ZNF611: variants seen among roughly 807,000 people sequenced by gnomAD.
ZNF611 encodes zinc finger protein 611.
ZNF611 carries 6 observed loss-of-function variants against 8.9 expected under a neutral mutation model. The observed-to-expected ratio is 0.68, with a 90% CI of 0.37 to 1.34. The LOEUF (loss-of-function observed/expected upper bound fraction) is 1.34, where lower values mean the gene tolerates loss of function less well. Ranked by LOEUF, ZNF611 falls within the 40% of genes most tolerant of loss-of-function variation. ZNF611 has a pLI of 0.02. For missense variants in ZNF611, 874 were observed against 841.3 expected (o/e 1.04, Z -0.48); for synonymous variants, 262 against 279.7 (o/e 0.94, Z 0.63).
intron 5 of ZNF611, among the ~76,000 whole-genome samples, chr19:52,709,666 C>T (rs2147420714): frequency 6.6e-6 from 1 of 152,180 alleles, no homozygotes; most frequent in Middle Eastern, 3.4e-3. Flanking sequence ...CTCGCAGGTT[C>T]AAGCGATTCT....
intron 3 of ZNF611, chr19:52,717,742 A>T (rs925457556): frequency 1.0e-6 from 1 of 958,822 alleles, no homozygotes; most frequent in African/African-American, 1.8e-5. Context: ...ACTTACTTAG[A>T]AGCTCACAGA....
At chr19:52,724,184 A>C (rs2062377297) in intron 3 of ZNF611, 1 of 152,250 alleles carries the variant, frequency 6.6e-6, no homozygotes, top group South Asian at 2.1e-4. Context: ...GCCATATCTC[A>C]GGCTGTCTCA....
In ZNF611 at chr19:52,704,748, G is replaced by C. The variant is rs989182106; in HGVS notation, c.*189C>G. 8 of 1,598,578 alleles carry C rather than the reference G, an allele frequency of 5.0e-6. No individual in the cohort carries two copies. The highest frequency in any genetic ancestry group is 1.3e-5 in the African/African-American group (1 of 74,748). ...GAATAAGTGTTGACTGCTTGCCAAA[G>C]GCTTTGCCACACTCATTACACTTGT... On this transcript the variant is annotated 3_prime_UTR_variant, in exon 6 of 6. Coordinates refer to ENST00000652185, the MANE Select transcript of ZNF611 (RefSeq NM_001161499.2).
chr19:52,711,628 A>G (rs2062280721), intron 5 of ZNF611, among the ~76,000 whole-genome samples: 1 of 152,210 alleles, frequency 6.6e-6, no homozygotes, highest in Non-Finnish European at 1.5e-5. Context: ...ACAAGCGCTG[A>G]GCTGCGCTGC....
chr19:52,716,597 G>C (rs1221120771), intron 3 of ZNF611, among the ~76,000 whole-genome samples: 1 of 152,156 alleles, frequency 6.6e-6, no homozygotes, highest in Non-Finnish European at 1.5e-5. Context: ...TGAGGGTTGG[G>C]CTGTGTGTAA....
Position 52,732,251 on chromosome 19 carries a change from C to T in ZNF611, c.-221-2246G>A, listed in dbSNP as rs1376420865. On this transcript the variant is annotated intron_variant, in intron 1 of 5. Coordinates refer to ENST00000652185, the MANE Select transcript of ZNF611 (RefSeq NM_001161499.2). ...TGCCACTGCACTCCAGCCTGGGTGA[C>T]AGAGCAAAACTCCATCTCAAAAAAG... is the stretch of plus-strand genomic sequence containing the variant. Among the ~76,000 whole-genome samples the T allele has an allele frequency of 1.3e-5, 2 of 151,774 alleles. 1 individual carries two copies. Among genetic ancestry groups the T allele is most frequent in the South Asian group, 4.2e-4 (2 of 4,804 alleles).
chr19:52,722,612 A>T (rs1156399164), intron 3 of ZNF611, among the ~76,000 whole-genome samples: 1 of 152,204 alleles, frequency 6.6e-6, no homozygotes, highest in Non-Finnish European at 1.5e-5. Flanking sequence ...TAGGAATTTT[A>T]AAATTCTCAA....
chr19:52,716,396 C>G (rs1207062135), intron 3 of ZNF611, among the ~76,000 whole-genome samples: 1 of 152,216 alleles, frequency 6.6e-6, no homozygotes, highest in African/African-American at 2.4e-5. Context: ...CACAAAAGCT[C>G]TATTTGCAAA....
intron 3 of ZNF611, among the ~76,000 whole-genome samples, chr19:52,726,148 T>C (rs1280779410): frequency 2.0e-5 from 3 of 152,196 alleles, no homozygotes; most frequent in Non-Finnish European, 2.9e-5. Flanking sequence ...GTCCACCCTG[T>C]GCTCAGCTTC....
In ZNF611 at chr19:52,711,456, C is replaced by A. The variant is rs572666281; in HGVS notation, c.190+2559G>T. On this transcript the variant is annotated intron_variant, in intron 5 of 5. Transcript: ENST00000652185. ...TGTACATGACCCCAGTTTGCACGTA[C>A]GGTAAGTGAGGGACAAGACTTGATC... is the stretch of plus-strand genomic sequence containing the variant. 1.4e-4 allele frequency among the ~76,000 whole-genome samples: 21 copies of A among 152,154 alleles called. 1 individual carries two copies. Among genetic ancestry groups the A allele is most frequent in the South Asian group, 4.1e-4 (2 of 4,826 alleles).
At chr19:52,726,361 C>G (rs1401546838) in intron 3 of ZNF611, among the ~76,000 whole-genome samples, 1 of 152,220 alleles carries the variant, frequency 6.6e-6, no homozygotes, top group Non-Finnish European at 1.5e-5. Context: ...AGTAACACCC[C>G]CTCCCGCAGT....
intron 3 of ZNF611, among the ~76,000 whole-genome samples, chr19:52,719,146 C>A (rs113819663): frequency 1.3e-5 from 2 of 151,884 alleles, no homozygotes; most frequent in Admixed American, 6.6e-5. Flanking sequence ...TCCAGCTTGC[C>A]TGACAGAGAA....
Position 52,721,194 on chromosome 19 carries a change from A to T in ZNF611, c.-19-5281T>A, listed in dbSNP as rs2062357335. The T allele has an allele frequency of 5.2e-5, 8 of 154,908 alleles. No individual in the cohort carries two copies. In the Admixed American group the frequency reaches 5.3e-4, roughly 10 times the overall value. 9.6% of individuals were successfully genotyped at this position (154,908 alleles called of 1,614,324 possible). ...CGTGCAGAGGTGCTCCTCATTTCCC[A>T]GACTGGGCAGCCGGGCAGAGAGGCT... On this transcript the variant is annotated intron_variant, in intron 3 of 5. Transcript: ENST00000652185.
In ZNF611 at chr19:52,733,300, G is replaced by A. The variant is rs377190823; in HGVS notation, c.-222+1701C>T. Among the ~76,000 whole-genome samples the A allele has an allele frequency of 2.1e-4, 32 of 151,906 alleles. No individual in the cohort carries two copies. In the East Asian group the frequency reaches 3.3e-3, roughly 16 times the overall value. ...CCCACTCATCTGAACCCAGTCTCTCGCCCCTTTTTTTTTGTTTGGAGACAA... is the reference window on the plus strand; with the variant it reads ...CCCACTCATCTGAACCCAGTCTCTCACCCCTTTTTTTTTGTTTGGAGACAA... On this transcript the variant is annotated intron_variant, in intron 1 of 5. Coordinates refer to ENST00000652185, the MANE Select transcript of ZNF611 (RefSeq NM_001161499.2).
At chr19:52,724,207 C>T (rs998339813) in intron 3 of ZNF611, 5 of 152,322 alleles carry the variant, frequency 3.3e-5, no homozygotes, top group Admixed American at 2.0e-4. Context: ...GGAGAGAAAC[C>T]TTGGACAATA....
chr19:52,719,759 T>TTTTTG (rs767461790), intron 3 of ZNF611, among the ~76,000 whole-genome samples: 1 of 152,188 alleles, frequency 6.6e-6, no homozygotes, highest in Non-Finnish European at 1.5e-5. Flanking sequence ...GCTTCATTCT[T>TTTTTG]TTTTGTTTTG....
intron 5 of ZNF611, among the ~76,000 whole-genome samples, chr19:52,712,229 A>C (rs1012866071): frequency 1.3e-5 from 2 of 152,026 alleles, no homozygotes; most frequent in Non-Finnish European, 2.9e-5. Flanking sequence ...ACACAAAAAA[A>C]CAACTAAACT....
chr19:52,722,260 T>G (rs887996077), intron 3 of ZNF611, among the ~76,000 whole-genome samples: 2 of 152,060 alleles, frequency 1.3e-5, no homozygotes, highest in African/African-American at 4.8e-5. Context: ...CTCACACCTG[T>G]GGTCTCAGCT....
Position 52,704,925 on chromosome 19 carries a change from T to C in ZNF611, c.*12A>G, listed in dbSNP as rs140758614. On this transcript the variant is annotated 3_prime_UTR_variant, in exon 6 of 6. Transcript: ENST00000652185. ...ATTTCCAAATGGAAACTTTGTCACA[T>C]GCTTCACATTTCTAAGGTTTCTCTC... The C allele has an allele frequency of 1.4e-4, 220 of 1,613,326 alleles. No individual in the cohort carries two copies. The African/African-American group carries it at 2.1e-3, about 16-fold the overall frequency.
Sources: allele counts gnomAD v4.1 joint callset (sites outside exome capture counted in the v4.1 genomes callset), GRCh38; gene constraint gnomAD v4.1.1; transcripts MANE v1.5; gene names NCBI Gene and HGNC (gene_info 2026-07-23, HGNC 2026-07-21).